The following MAD1L1 variants were observed in gnomAD, a reference collection of about 807,000 sequenced individuals.
MAD1L1 encodes the protein mitotic arrest deficient 1 like 1.
Under a neutral mutation model 96.9 loss-of-function variants are expected in MAD1L1, and 95 were observed. The ratio of observed to expected loss-of-function variants is 0.98; its 90% CI spans 0.83 to 1.16. The LOEUF (loss-of-function observed/expected upper bound fraction) is 1.16. Ranked by LOEUF, MAD1L1 falls within the 50% of genes most tolerant of loss-of-function variation. The pLI is 0.00. For missense variants in MAD1L1, 1,007 were observed against 954.4 expected (o/e 1.06, Z -0.73); for synonymous variants, 473 against 396.6 (o/e 1.19, Z -2.29).
rs756866598 is a variant in MAD1L1, at chr7:2,210,421, CGGG to C, written c.986+2788_986+2790del. 4.2e-3 allele frequency among the ~76,000 whole-genome samples: 591 copies of C among 140,934 alleles called. 4 individuals are homozygous for C. The highest frequency in any genetic ancestry group is 0.016 in the East Asian group (79 of 4,994). The allele number at this position is 140,934 out of a possible 152,430, so 92.5% of individuals were successfully genotyped here. On this transcript the variant is annotated intron_variant, in intron 10 of 18. Coordinates refer to ENST00000265854, the MANE Select transcript of MAD1L1 (RefSeq NM_001013836.2). ...TCCCGGTGATTCTAGGAGCCGTATTCGGGACCGCCAGCCCGCATTCCCGTGGAC... is the reference window on the plus strand; with the variant it reads ...TCCCGGTGATTCTAGGAGCCGTATTCACCGCCAGCCCGCATTCCCGTGGAC...
intron 18 of MAD1L1, among the ~76,000 whole-genome samples, chr7:1,830,113 A>G (rs1782631716): frequency 6.6e-6 from 1 of 152,218 alleles, no homozygotes; most frequent in African/African-American, 2.4e-5. Flanking sequence ...GGCTTACACA[A>G]CAGGCCAGGC....
In MAD1L1 at chr7:2,009,953, C is replaced by T. The variant is rs1467434727; in HGVS notation, c.1359+4549G>A. ...CCCGTTCTGGGAATGGAGCCAGCAC[C>T]TCGCGATTCCCACTGAGGACCTGTG... On this transcript the variant is annotated intron_variant, in intron 13 of 18. Coordinates refer to ENST00000265854, the MANE Select transcript of MAD1L1 (RefSeq NM_001013836.2). Among the ~76,000 whole-genome samples the T allele has an allele frequency of 2.0e-5, 3 of 152,122 alleles. No individual in the cohort carries two copies. In the East Asian group the frequency reaches 5.8e-4, roughly 29 times the overall value.
intron 18 of MAD1L1, among the ~76,000 whole-genome samples, chr7:1,887,233 G>A (rs532651699): frequency 6.6e-6 from 1 of 151,726 alleles, no homozygotes; most frequent in Non-Finnish European, 1.5e-5. Flanking sequence ...GTGAGCATGT[G>A]TATGTGGGGG....
intron 5 of MAD1L1, among the ~76,000 whole-genome samples, chr7:2,220,010 C>T (rs1164096525): frequency 6.6e-6 from 1 of 152,200 alleles, no homozygotes; most frequent in Non-Finnish European, 1.5e-5. Flanking sequence ...ATCCACATAC[C>T]CGCCACACCA....
At chr7:2,108,608 A>G (rs972742241) in intron 11 of MAD1L1, among the ~76,000 whole-genome samples, 3 of 152,212 alleles carry the variant, frequency 2.0e-5, no homozygotes, top group African/African-American at 7.2e-5. Flanking sequence ...AGCCCCAGAA[A>G]GGGTCTGAAC....
chr7:1,947,941 A>C (rs918760231), intron 16 of MAD1L1, among the ~76,000 whole-genome samples: 12 of 152,204 alleles, frequency 7.9e-5, no homozygotes, highest in Admixed American at 2.0e-4. Context: ...GGGAGAGGGC[A>C]GCCTGAAGCA....
chr7:2,129,008 G>A (rs1788375881), intron 11 of MAD1L1, among the ~76,000 whole-genome samples: 1 of 152,222 alleles, frequency 6.6e-6, no homozygotes, highest in Admixed American at 6.5e-5. Flanking sequence ...GAGTGCTGCT[G>A]GCGCTGACCA....
rs1177687355 is a variant in MAD1L1 at position 2,119,129 on chromosome 7, G to A, written c.1073+30023C>T. On this transcript the variant is annotated intron_variant, in intron 11 of 18. Coordinates refer to ENST00000265854, the MANE Select transcript of MAD1L1 (RefSeq NM_001013836.2). The surrounding 1 kb of genome is among the most constrained non-coding windows in gnomAD (Gnocchi z 4.6). ...GCTGCCCGGTGCTCTTGGTGAAGCC[G>A]TGTTTCCACAAAGCAAGAAGGTTCA... Among the ~76,000 whole-genome samples, 3 of 152,170 alleles carry A rather than the reference G, an allele frequency of 2.0e-5. No individual in the cohort carries two copies. The highest frequency in any genetic ancestry group is 4.2e-4 in the South Asian group (2 of 4,794).
chr7:2,209,658 C>G (rs541495848), intron 10 of MAD1L1, among the ~76,000 whole-genome samples: 1 of 152,336 alleles, frequency 6.6e-6, no homozygotes, highest in Admixed American at 6.5e-5. Flanking sequence ...GGGGCACCAC[C>G]TAGTGGCAGC....
At position 1,968,378 on chromosome 7, in the gene MAD1L1, G is replaced by T. The variant is rs915308506; in HGVS notation, c.1506-10659C>A. 6.6e-6 allele frequency among the ~76,000 whole-genome samples: 1 copy of T among 150,790 alleles called. No individual in the cohort carries two copies. The highest frequency in any genetic ancestry group is 2.0e-4 in the East Asian group (1 of 5,078). On this transcript the variant is annotated intron_variant, in intron 15 of 18. Coordinates refer to ENST00000265854, the MANE Select transcript of MAD1L1 (RefSeq NM_001013836.2). The surrounding 1 kb of genome is among the most constrained non-coding windows in gnomAD (Gnocchi z 5.6). ...TCCAGTGGTCAGGTCCACTGTCAAT[G>T]CCTCAGTCCAGCGGTCAGGTCCACT...
chr7:2,117,828 G>A (rs1256941581), intron 11 of MAD1L1, among the ~76,000 whole-genome samples: 1 of 152,122 alleles, frequency 6.6e-6, no homozygotes, highest in Non-Finnish European at 1.5e-5. Context: ...CCAGGGAGAG[G>A]ACAGCAGCAG....
intron 10 of MAD1L1, among the ~76,000 whole-genome samples, chr7:2,177,070 T>C (rs1013988774): frequency 2.2e-5 from 3 of 133,536 alleles, no homozygotes; most frequent in Non-Finnish European, 3.4e-5. Context: ...GATCTGTCAA[T>C]GCCTTCACAT....
At chr7:1,889,896 G>C (rs1005730522) in intron 18 of MAD1L1, among the ~76,000 whole-genome samples, 2 of 152,350 alleles carry the variant, frequency 1.3e-5, no homozygotes. Flanking sequence ...TGGGGGGCCT[G>C]CTGCCACAGC....
intron 18 of MAD1L1, among the ~76,000 whole-genome samples, chr7:1,868,941 C>G (rs561353545): frequency 1.3e-5 from 2 of 152,348 alleles, no homozygotes; most frequent in East Asian, 3.9e-4. Context: ...CCTCACCGCG[C>G]CAGGCAGAAA....
intron 12 of MAD1L1, among the ~76,000 whole-genome samples, chr7:2,043,961 C>T (rs1274301075): frequency 6.6e-6 from 1 of 152,200 alleles, no homozygotes; most frequent in African/African-American, 2.4e-5. Flanking sequence ...GACTCAAGCA[C>T]AGATGGGTGC....
chr7:1,995,810 A>G (rs1425708443), intron 14 of MAD1L1, among the ~76,000 whole-genome samples: 3 of 151,840 alleles, frequency 2.0e-5, no homozygotes, highest in African/African-American at 7.3e-5. Flanking sequence ...GCCATACAGA[A>G]CCCCGGTGCC....
At chr7:1,998,730 C>T (rs1488242748) in intron 14 of MAD1L1, among the ~76,000 whole-genome samples, 1 of 151,692 alleles carries the variant, frequency 6.6e-6, no homozygotes, top group African/African-American at 2.4e-5. Context: ...CCCACCAACC[C>T]CCTGCCAACC....
intron 11 of MAD1L1, among the ~76,000 whole-genome samples, chr7:2,079,152 C>T (rs750129452): frequency 6.6e-6 from 1 of 152,232 alleles, no homozygotes; most frequent in Non-Finnish European, 1.5e-5. Context: ...GCCGGGCAGC[C>T]GCACTCAGTG....
intron 12 of MAD1L1, among the ~76,000 whole-genome samples, chr7:2,040,326 CCCA>C (rs1046062382): frequency 6.6e-6 from 1 of 152,206 alleles, no homozygotes; most frequent in African/African-American, 2.4e-5. Flanking sequence ...CTCCCAGATC[CCCA>C]CAACTGGAAT....
Sources: gnomAD v4.1 joint callset for allele counts (sites outside exome capture counted in the v4.1 genomes callset) on GRCh38, gnomAD v4.1.1 for gene constraint, Gnocchi (gnomAD v3.1) non-coding constraint, MANE v1.5 for transcripts, NCBI Gene and HGNC (gene_info 2026-07-23, HGNC 2026-07-21) for gene names.